MMP17: variants seen among roughly 807,000 people sequenced by gnomAD.
MMP17 encodes the protein matrix metalloproteinase-17.
MMP17 carries 54 observed loss-of-function variants against 49.1 expected under a neutral mutation model. The observed-to-expected ratio is 1.10, with a 90% confidence interval of 0.88 to 1.38. The LOEUF (loss-of-function observed/expected upper bound fraction) is 1.38. Among genes scored for constraint, MMP17 ranks in the 40% most tolerant of loss-of-function variants. The probability of loss-of-function intolerance (pLI) is 0.00; values close to 1 mark genes in which losing one functional copy is unlikely to be tolerated. For synonymous variants in MMP17, 397 were observed against 383.1 expected (o/e 1.04, Z -0.42); for missense variants, 837 against 853.7 (o/e 0.98, Z 0.24).
chr12:131,846,057 G>T lies in MMP17; in HGVS notation c.1204+608G>T, dbSNP rs4964931. ...CACTCCTTTTGCCTCCAAGTCTCCG[G>T]GAAGGGCAGGAAAGGGAGACAGTAG... is the stretch of plus-strand genomic sequence containing the variant. On this transcript the variant is annotated intron_variant, in intron 8 of 9. Coordinates refer to ENST00000360564, the MANE Select transcript of MMP17 (RefSeq NM_016155.7). This position sits in a 1 kb window ranked among gnomAD's most constrained non-coding sequence, Gnocchi z 4.6. 0.72 allele frequency among the ~76,000 whole-genome samples: 109,685 copies of T among 152,002 alleles called. 39,924 individuals carry two copies. Among genetic ancestry groups the T allele is most frequent in the East Asian group, 1 (5,142 of 5,152 alleles).
chr12:131,847,620 TC>T (rs1887778642), intron 8 of MMP17, among the ~76,000 whole-genome samples: 2 of 152,334 alleles, frequency 1.3e-5, no homozygotes, highest in South Asian at 4.2e-4. Context: ...TCAGGCCGCT[TC>T]CCCCAGGTGG....
At position 131,838,754 on chromosome 12, in the gene MMP17, C is replaced by G. The variant is rs1187902053; in HGVS notation, c.422+13C>G. 6.5e-7 allele frequency: 1 copy of G among 1,539,478 alleles called. No individual in the cohort carries two copies. Among genetic ancestry groups the G allele is most frequent in the Admixed American group, 2.0e-5 (1 of 50,806 alleles). ...ACCTGTCGTGGAGGTGGGTGTGTGG[C>G]CAGGGTGAGGAGCGGGGCCTCCGTG... On this transcript the variant is annotated intron_variant, in intron 3 of 9. Transcript: ENST00000360564.
Position 131,845,292 on chromosome 12 carries a change from C to T in MMP17, c.1052-5C>T, listed in dbSNP as rs983680014. On this transcript the variant is annotated splice_polypyrimidine_tract_variant and splice_region_variant and intron_variant, in intron 7 of 9. Transcript: ENST00000360564. ...GCAGCCCGGCCCTCCCCTCTGTGCCCCCAGGCAAGTACTTCTGGCGGCTGA... is the reference window on the plus strand; with the variant it reads ...GCAGCCCGGCCCTCCCCTCTGTGCCTCCAGGCAAGTACTTCTGGCGGCTGA... 6.8e-6 allele frequency: 11 copies of T among 1,610,294 alleles called. No individual in the cohort carries two copies. Among genetic ancestry groups the T allele is most frequent in the South Asian group, 1.1e-5 (1 of 91,012 alleles).
At chr12:131,834,614 G>A (rs202033183) in intron 1 of MMP17, among the ~76,000 whole-genome samples, 1 of 152,114 alleles carries the variant, frequency 6.6e-6, no homozygotes, top group East Asian at 1.9e-4. Context: ...CTGTGGGTGG[G>A]AGTGGGTCAG....
At chr12:131,848,612 A>C (rs545955349) in intron 8 of MMP17, among the ~76,000 whole-genome samples, 115 of 116,154 alleles carry the variant, frequency 9.9e-4, no homozygotes, top group African/African-American at 3.3e-3. Context: ...GGGCACCCCC[A>C]CTTCGCTTGC....
chr12:131,831,334 C>T (rs1205455708), intron 1 of MMP17, among the ~76,000 whole-genome samples: 1 of 151,648 alleles, frequency 6.6e-6, no homozygotes, highest in East Asian at 1.9e-4. Flanking sequence ...CTCCCTTGAT[C>T]TTCTGTAGGA....
intron 8 of MMP17, among the ~76,000 whole-genome samples, chr12:131,849,391 T>G (rs61027243): frequency 0.16 from 23,594 of 152,098 alleles, 2,106 homozygotes; most frequent in East Asian, 0.39. Context: ...GGCTGAGGCA[T>G]GAGAATCGCT....
Position 131,851,073 on chromosome 12 carries a change from C to T in MMP17, c.1611C>T (p.Asp537=), listed in dbSNP as rs762027563. The T allele has an allele frequency of 1.7e-5, 27 of 1,606,668 alleles. No individual in the cohort carries two copies. The highest frequency in any genetic ancestry group is 1.7e-4 in the Middle Eastern group (1 of 6,052). ...QADGSVAAGV[D]AAEGPRAPPG... ...ATGGATCTGTGGCTGCGGGCGTGGA[C>T]GCGGCAGAGGGGCCCCGCGCCCCTC... Residue 537 remains aspartate, a synonymous_variant, in exon 10 of 10, where the codon GAC becomes GAT. Transcript: ENST00000360564.
chr12:131,847,950 C>A (rs894524361), intron 8 of MMP17, among the ~76,000 whole-genome samples: 13 of 152,236 alleles, frequency 8.5e-5, no homozygotes, highest in African/African-American at 2.9e-4. Context: ...TCCTGCTCAG[C>A]CATAGCAGGG....
Position 131,845,398 on chromosome 12 carries a change from G to T in MMP17, c.1153G>T (p.Val385Leu). 1 of 1,591,970 alleles carries T rather than the reference G, an allele frequency of 6.3e-7. No homozygotes were observed. The highest frequency in any genetic ancestry group is 2.2e-5 in the East Asian group (1 of 44,576). Residue 385 changes from valine to leucine, a missense_variant, in exon 8 of 10, where the codon GTG becomes TTG. Transcript: ENST00000360564. ...GGGCCTGCCGCTGCACCTGGACAGC[G>T]TGGACGCCGTGTACGAGCGCACCAG... ...WRGLPLHLDSVDAVYERTSDH... is the reference protein window; with the variant it reads ...WRGLPLHLDSLDAVYERTSDH...
rs373999853 is a variant in MMP17, at chr12:131,834,754, A to G, written c.160-3441A>G. On this transcript the variant is annotated intron_variant, in intron 1 of 9. Transcript: ENST00000360564. ...GGTTAACCCCTACTCCCCTTAGCTA[A>G]CAAGCCCACCTTGCCACCACCACCA... Among the ~76,000 whole-genome samples, 24 of 152,072 alleles carry G rather than the reference A, an allele frequency of 1.6e-4. No individual in the cohort carries two copies. The East Asian group carries it at 2.7e-3, about 17-fold the overall frequency.
chr12:131,831,776 G>A (rs1424715564), intron 1 of MMP17, among the ~76,000 whole-genome samples: 4 of 135,426 alleles, frequency 3.0e-5, no homozygotes, highest in African/African-American at 8.7e-5. Flanking sequence ...TGCGATCAGC[G>A]GAGGTGCTTC....
At chr12:131,831,172 G>A (rs1457180783) in intron 1 of MMP17, among the ~76,000 whole-genome samples, 1 of 152,214 alleles carries the variant, frequency 6.6e-6, no homozygotes, top group African/African-American at 2.4e-5. Flanking sequence ...AGAACTTCCC[G>A]GACTCGCGGC....
intron 1 of MMP17, among the ~76,000 whole-genome samples, chr12:131,834,828 G>T (rs1050771185): frequency 1.3e-5 from 2 of 152,202 alleles, no homozygotes; most frequent in East Asian, 3.9e-4. Context: ...GGAATCAGCC[G>T]CCCCCTCCCA....
chr12:131,849,727 G>C, intron 8 of MMP17, 75 bp from the exon 9 acceptor site: 16 of 1,521,390 alleles, frequency 1.1e-5, no homozygotes, highest in Non-Finnish European at 1.4e-5. Flanking sequence ...TGACACAGGA[G>C]AAGGAAAGGC....
rs780598648 is a variant in MMP17 at position 131,851,092 on chromosome 12, G to A, written c.1630G>A (p.Ala544Thr). 1.2e-5 allele frequency: 20 copies of A among 1,602,100 alleles called. No individual in the cohort carries two copies. Among genetic ancestry groups the A allele is most frequent in the South Asian group, 3.4e-5 (3 of 89,394 alleles). Residue 544 changes from alanine to threonine, a missense_variant, in exon 10 of 10, where the codon GCC (alanine) becomes ACC (threonine). Ala to Thr is a moderately conservative substitution (Grantham distance 58). Transcript: ENST00000360564. ...AGVDAAEGPR[A>T]PPGQHDQSRS... ...CGTGGACGCGGCAGAGGGGCCCCGC[G>A]CCCCTCCAGGACAACATGACCAGAG...
chr12:131,840,851 C>T lies in MMP17; in HGVS notation c.701C>T (p.Ser234Phe), dbSNP rs1003977702. 2 of 1,595,434 alleles carry T rather than the reference C, an allele frequency of 1.3e-6. No individual in the cohort carries two copies. The highest frequency in any genetic ancestry group is 2.7e-5 in the African/African-American group (2 of 74,694). The change falls in exon 4 of 10, where the codon TCC becomes TTC. Residue 234 changes from serine (S) to phenylalanine (F), a missense_variant. Ser to Phe is a radical substitution (Grantham distance 155). Coordinates refer to ENST00000360564, the MANE Select transcript of MMP17 (RefSeq NM_016155.7). ...FDDDEAWTFR[S>F]SDAHGMDLFA... ...GATGACGAGGCCTGGACCTTCCGCTCCTCGGGTGCGTCTGGGGCAGCCCTC... is the reference window on the plus strand; with the variant it reads ...GATGACGAGGCCTGGACCTTCCGCTTCTCGGGTGCGTCTGGGGCAGCCCTC...
At chr12:131,849,108 C>A (rs1021100706) in intron 8 of MMP17, among the ~76,000 whole-genome samples, 2 of 152,176 alleles carry the variant, frequency 1.3e-5, no homozygotes, top group African/African-American at 2.4e-5. Flanking sequence ...GGCGAGGGGG[C>A]GTCTCATTGT....
chr12:131,828,441 G>T lies in MMP17; in HGVS notation c.-54G>T. The T allele has an allele frequency of 1.0e-6, 1 of 967,076 alleles. No individual in the cohort carries two copies. Among genetic ancestry groups the T allele is most frequent in the Non-Finnish European group, 1.2e-6 (1 of 813,068 alleles). The allele number at this position is 967,076 out of a possible 1,614,324, so 59.9% of individuals were successfully genotyped here. A position where few individuals can be genotyped will look rare whatever the true frequency, so the allele number is the denominator to read the frequency against. ...AGCGGAGGGCGCCGGGCTGCGGAAC[G>T]CGAAGCGGAGGGCGCGGGACCCTGC... On this transcript the variant is annotated 5_prime_UTR_variant, in exon 1 of 10. Transcript: ENST00000360564.
Sources: allele counts gnomAD v4.1 joint callset (sites outside exome capture counted in the v4.1 genomes callset), GRCh38; gene constraint gnomAD v4.1.1; non-coding constraint Gnocchi (gnomAD v3.1); transcripts MANE v1.5; gene names NCBI Gene and HGNC (gene_info 2026-07-23, HGNC 2026-07-21).